LRP2: variants seen among roughly 807,000 people sequenced by gnomAD.
LRP2 encodes the protein LDL receptor related protein 2.
LRP2 carries 172 observed loss-of-function variants against 531.0 expected under a neutral mutation model. The ratio of observed to expected loss-of-function variants is 0.32; its 90% CI spans 0.29 to 0.37. The LOEUF is 0.37. Ranked by LOEUF, LRP2 falls within the 10% of genes least tolerant of loss-of-function variation. The pLI is 1.00. For missense variants in LRP2, 5,167 were observed against 5,868.3 expected (o/e 0.88, Z 3.90); for synonymous variants, 1,992 against 2,027.6 (o/e 0.98, Z 0.47).
intron 30 of LRP2, 113 bp from the exon 31 acceptor site, chr2:169,231,955 T>C (rs906515106): frequency 8.6e-6 from 11 of 1,283,748 alleles, no homozygotes; most frequent in Non-Finnish European, 1.2e-5. Context: ...GGGGCTTAAG[T>C]ACGTTGTTAC....
At chr2:169,170,475 C>T in intron 59 of LRP2, 76 bp downstream of exon 59, 6 of 1,133,446 alleles carry the variant, frequency 5.3e-6, no homozygotes, top group Non-Finnish European at 8.1e-6. Context: ...CTCTAAAAGC[C>T]TTATAAACAC....
At chr2:169,300,255 GA>G (rs202220819) in intron 4 of LRP2, among the ~76,000 whole-genome samples, 2,996 of 151,840 alleles carry the variant, frequency 0.02, 81 homozygotes, top group East Asian at 0.1. Context: ...GTCACAATGG[GA>G]AAAAAAACTT....
At chr2:169,299,127 G>GAAAA (rs1404191569) in intron 4 of LRP2, among the ~76,000 whole-genome samples, 29 of 84,872 alleles carry the variant, frequency 3.4e-4, no homozygotes, top group African/African-American at 1.3e-3. Flanking sequence ...AAGAAAGAAA[G>GAAAA]AAAGAAAGAA....
intron 55 of LRP2, 123 bp downstream of exon 55, chr2:169,175,070 A>G (rs553745177): frequency 2.4e-6 from 2 of 827,130 alleles, no homozygotes; most frequent in Admixed American, 4.4e-5. Context: ...ATGGAGCCTG[A>G]GTTTCCTTCT....
At chr2:169,200,501 A>G (rs1688168465) in intron 44 of LRP2, among the ~76,000 whole-genome samples, 1 of 152,206 alleles carries the variant, frequency 6.6e-6, no homozygotes, top group Non-Finnish European at 1.5e-5. Flanking sequence ...ATTCAAGTTA[A>G]GGACTCCCAT....
chr2:169,274,580 AC>A (rs1417203473), intron 14 of LRP2, among the ~76,000 whole-genome samples: 1 of 152,170 alleles, frequency 6.6e-6, no homozygotes, highest in Non-Finnish European at 1.5e-5. Flanking sequence ...CAGGTGCCAT[AC>A]ATATGCAACA....
At chr2:169,256,040 A>G (rs1690292186) in intron 19 of LRP2, 66 bp downstream of exon 19, 1 of 1,534,650 alleles carries the variant, frequency 6.5e-7, no homozygotes, top group East Asian at 2.3e-5. Flanking sequence ...CCACATGAGG[A>G]TGAGTTTACT....
In LRP2 at chr2:169,339,473, C is replaced by A. The variant is rs1209517800; in HGVS notation, c.80-18589G>T. 2.6e-5 allele frequency among the ~76,000 whole-genome samples: 4 copies of A among 152,244 alleles called. No homozygotes were observed. In the South Asian group the frequency reaches 8.3e-4, roughly 32 times the overall value. On this transcript the variant is annotated intron_variant, in intron 1 of 78. Transcript: ENST00000649046. ...ATCACTACTTAGTGAAATAAATTAA[C>A]TCTTTGCTAAATTATTTCTCTGGTT...
intron 19 of LRP2, among the ~76,000 whole-genome samples, chr2:169,254,947 T>C (rs549545326): frequency 6.6e-6 from 1 of 151,956 alleles, no homozygotes; most frequent in East Asian, 1.9e-4. Flanking sequence ...TCATCAAAAA[T>C]CTCATGAGCA....
intron 30 of LRP2, among the ~76,000 whole-genome samples, chr2:169,232,621 C>A (rs146112931): frequency 2.6e-5 from 4 of 152,092 alleles, no homozygotes; most frequent in Admixed American, 2.0e-4. Flanking sequence ...TTAGGTAGAG[C>A]GGTCAATGAG....
chr2:169,286,109 T>C (rs1049330279), intron 9 of LRP2, among the ~76,000 whole-genome samples: 6 of 152,178 alleles, frequency 3.9e-5, no homozygotes, highest in South Asian at 4.1e-4. Flanking sequence ...GAGTTCTCTA[T>C]AAAGAGAGAA....
At chr2:169,239,168 T>C (rs1689715049) in intron 26 of LRP2, among the ~76,000 whole-genome samples, 1 of 152,226 alleles carries the variant, frequency 6.6e-6, no homozygotes, top group South Asian at 2.1e-4. Flanking sequence ...AAGCACTTTC[T>C]TATAGCAGAA....
intron 2 of LRP2, among the ~76,000 whole-genome samples, chr2:169,320,528 T>C (rs1422611218): frequency 6.6e-6 from 1 of 152,198 alleles, no homozygotes; most frequent in Non-Finnish European, 1.5e-5. Flanking sequence ...AAAGTTGTGG[T>C]CAAGGGATAA....
intron 1 of LRP2, among the ~76,000 whole-genome samples, chr2:169,361,330 G>GTCTCTCTCTCTCTC (rs1405262223): frequency 3.1e-5 from 1 of 32,180 alleles, no homozygotes; most frequent in African/African-American, 1.4e-4. Flanking sequence ...GTCTCTCTCT[G>GTCTCTCTCTCTCTC]TCTCTCTCTG....
At chr2:169,275,283 C>A in intron 13 of LRP2, 45 bp from the exon 14 acceptor site, 1 of 1,501,322 alleles carries the variant, frequency 6.7e-7, no homozygotes, top group Admixed American at 1.7e-5. Context: ...GTTAGTTTTG[C>A]TTTATTATAA....
Position 169,188,179 on chromosome 2 carries a change from T to C in LRP2, c.9119A>G (p.Gln3040Arg). 6.2e-7 allele frequency: 1 copy of C among 1,614,182 alleles called. No homozygotes were observed. The highest frequency in any genetic ancestry group is 8.5e-7 in the Non-Finnish European group (1 of 1,180,024). ...QTCQQNQFTC[Q>R]NGRCISKTFV... The stretch of plus-strand genomic sequence containing the variant: ...GGTTTTACTAATGCAGCGCCCGTTC[T>C]GACAGGTAAACTGATTCTGTTGGCA... The change falls in exon 49 of 79, where the codon CAG becomes CGG. Residue 3040 changes from glutamine (Q) to arginine (R), a missense_variant. Transcript: ENST00000649046.
At chr2:169,295,059 A>G (rs1212800463) in intron 4 of LRP2, among the ~76,000 whole-genome samples, 1 of 152,232 alleles carries the variant, frequency 6.6e-6, no homozygotes, top group Non-Finnish European at 1.5e-5. Context: ...AAAGAATTTA[A>G]CTTTAGTTCA....
chr2:169,292,021 AG>A (rs992316728), intron 7 of LRP2, among the ~76,000 whole-genome samples: 5 of 152,182 alleles, frequency 3.3e-5, no homozygotes, highest in Admixed American at 2.0e-4. Context: ...TAAAGATAGA[AG>A]GGAGAGGATT....
rs748852446 is a variant in LRP2 at position 169,226,624 on chromosome 2, C to A, written c.5228-36G>T. On this transcript the variant is annotated intron_variant, in intron 31 of 78. Coordinates refer to ENST00000649046, the MANE Select transcript of LRP2 (RefSeq NM_004525.3). ...AGAAGAATATCAGTCAAAATCATATCCCACTATTCCCAGACATTTAGAGTA... is the reference window on the plus strand; with the variant it reads ...AGAAGAATATCAGTCAAAATCATATACCACTATTCCCAGACATTTAGAGTA... 12 of 1,487,240 alleles carry A rather than the reference C, an allele frequency of 8.1e-6. No individual in the cohort carries two copies. In the Admixed American group the frequency reaches 1.8e-4, roughly 23 times the overall value. 92.1% of individuals were successfully genotyped at this position (1,487,240 alleles called of 1,614,324 possible). A position where few individuals can be genotyped will look rare whatever the true frequency, so the allele number is the denominator to read the frequency against.
Sources: allele counts gnomAD v4.1 joint callset (sites outside exome capture counted in the v4.1 genomes callset), GRCh38; gene constraint gnomAD v4.1.1; transcripts MANE v1.5; gene names NCBI Gene and HGNC (gene_info 2026-07-23, HGNC 2026-07-21).